The following WDFY4 variants were observed in gnomAD, a reference collection of about 807,000 sequenced individuals.
The protein encoded by WDFY4 is WDFY family member 4.
In WDFY4, 169 loss-of-function variants were observed where a neutral mutation model predicts 351.9. That is an observed-to-expected ratio of 0.48 (90% CI 0.42 to 0.55). The LOEUF (loss-of-function observed/expected upper bound fraction) is 0.55, where lower values mean the gene tolerates loss of function less well. Among genes scored for constraint, WDFY4 ranks in the 20% least tolerant of loss-of-function variants. The probability of loss-of-function intolerance (pLI) is 0.00; values close to 1 mark genes in which losing one functional copy is unlikely to be tolerated. For synonymous variants in WDFY4, 1,622 were observed against 1,574.6 expected (o/e 1.03, Z -0.71); for missense variants, 3,803 against 3,935.6 (o/e 0.97, Z 0.90).
chr10:48,848,372 A>G (rs1367863098), intron 39 of WDFY4, among the ~76,000 whole-genome samples: 2 of 152,240 alleles, frequency 1.3e-5, no homozygotes, highest in Non-Finnish European at 2.9e-5. Flanking sequence ...CCTTCTGAGG[A>G]GGACACATAA....
intron 39 of WDFY4, among the ~76,000 whole-genome samples, chr10:48,846,761 A>G (rs912986322): frequency 1.3e-5 from 2 of 152,200 alleles, no homozygotes; most frequent in Non-Finnish European, 2.9e-5. Flanking sequence ...GTGGCTGTGC[A>G]GCATCCTAGA....
rs1050154830 is a variant in WDFY4, at chr10:48,835,570, G to A, written c.6663+2861G>A. ...TTAGCACCAGGAAGAACTACTTTCA[G>A]CAACTCAAGAAGAGCAGAAATTTTG... On this transcript the variant is annotated intron_variant, in intron 39 of 61. Transcript: ENST00000325239. 7.2e-5 allele frequency among the ~76,000 whole-genome samples: 11 copies of A among 152,198 alleles called. No individual in the cohort carries two copies. The East Asian group carries it at 1.2e-3, about 16-fold the overall frequency.
intron 47 of WDFY4, among the ~76,000 whole-genome samples, chr10:48,933,142 G>A (rs906138423): frequency 2.0e-5 from 3 of 152,170 alleles, no homozygotes; most frequent in African/African-American, 7.2e-5. Context: ...CAGGCTCTGT[G>A]GTGGAAGCAG....
rs186502139 is a variant in WDFY4, at chr10:48,837,861, C to T, written c.6663+5152C>T. The stretch of plus-strand genomic sequence containing the variant: ...GGATCAACTGTATACATATGGACAG[C>T]TATCCCAGGCAGTGGGCCAGGCAGG... On this transcript the variant is annotated intron_variant, in intron 39 of 61. Transcript: ENST00000325239. Among the ~76,000 whole-genome samples the T allele has an allele frequency of 1.1e-3, 170 of 152,302 alleles. 5 individuals carry two copies. Among genetic ancestry groups the T allele is most frequent in the Non-Finnish European group, 7.3e-5 (5 of 68,038 alleles).
At chr10:48,694,752 C>T (rs953847651) in intron 1 of WDFY4, among the ~76,000 whole-genome samples, 1 of 152,158 alleles carries the variant, frequency 6.6e-6, no homozygotes, top group Admixed American at 6.5e-5. Flanking sequence ...GTGCCATTTG[C>T]CAGACACTCA....
chr10:48,823,248 T>A (rs1455322552), intron 35 of WDFY4: 1 of 1,300,850 alleles, frequency 7.7e-7, no homozygotes, highest in Non-Finnish European at 1.0e-6. Flanking sequence ...GCTCAAACCC[T>A]CCCTGTGATG....
At chr10:48,807,015 G>T (rs543167791) in intron 27 of WDFY4, among the ~76,000 whole-genome samples, 2 of 152,230 alleles carry the variant, frequency 1.3e-5, no homozygotes, top group African/African-American at 4.8e-5. Flanking sequence ...AGATCAAGCC[G>T]CAAGAAATTA....
intron 47 of WDFY4, among the ~76,000 whole-genome samples, chr10:48,931,001 T>A (rs1194971093): frequency 6.6e-6 from 1 of 152,030 alleles, no homozygotes; most frequent in African/African-American, 2.4e-5. Flanking sequence ...TTCTTATATG[T>A]CTACATAGTT....
intron 30 of WDFY4, among the ~76,000 whole-genome samples, chr10:48,812,697 C>T (rs564066589): frequency 6.6e-6 from 1 of 152,260 alleles, no homozygotes; most frequent in South Asian, 2.1e-4. Flanking sequence ...TGCACCTTCT[C>T]CCTTGCACTA....
chr10:48,692,299 A>C (rs1032735069), intron 1 of WDFY4, among the ~76,000 whole-genome samples: 2 of 152,218 alleles, frequency 1.3e-5, no homozygotes, highest in African/African-American at 4.8e-5. Flanking sequence ...CCTGTGGGCC[A>C]GGACACCTTT....
Position 48,966,779 on chromosome 10 carries a change from G to A in WDFY4, c.8584+106G>A, listed in dbSNP as rs145841889. ...ACCACATACCTGGGCAAAGTATTGG[G>A]GACTGACTTTGAATGGCTGCATCTC... On this transcript the variant is annotated intron_variant, in intron 55 of 61. Transcript: ENST00000325239. The A allele has an allele frequency of 8.0e-4, 1,117 of 1,399,760 alleles. 8 individuals carry two copies. In the African/African-American group the frequency reaches 0.014, roughly 18 times the overall value. 86.7% of individuals were successfully genotyped at this position (1,399,760 alleles called of 1,614,324 possible).
At chr10:48,777,668 T>G (rs926897221) in intron 17 of WDFY4, among the ~76,000 whole-genome samples, 173 bp downstream of exon 17, 3 of 152,218 alleles carry the variant, frequency 2.0e-5, no homozygotes, top group Non-Finnish European at 2.9e-5. Context: ...GAGGATTGTT[T>G]GAGGCCAGGA....
chr10:48,915,448 A>G (rs1484616994), intron 47 of WDFY4, among the ~76,000 whole-genome samples: 1 of 151,268 alleles, frequency 6.6e-6, no homozygotes, highest in East Asian at 1.9e-4. Context: ...TTTCCAAACC[A>G]GGCAGAAGTA....
At chr10:48,768,528 T>C (rs547618816) in intron 13 of WDFY4, among the ~76,000 whole-genome samples, 1 of 152,288 alleles carries the variant, frequency 6.6e-6, no homozygotes, top group South Asian at 2.1e-4. Flanking sequence ...CCTTCAACGC[T>C]TCATTGGCAC....
intron 57 of WDFY4, among the ~76,000 whole-genome samples, chr10:48,970,936 T>C (rs1472470402): frequency 6.6e-6 from 1 of 152,188 alleles, no homozygotes; most frequent in Non-Finnish European, 1.5e-5. Context: ...ACTTAACGTT[T>C]GCTTAACATT....
intron 45 of WDFY4, among the ~76,000 whole-genome samples, chr10:48,899,962 T>A (rs1055418103): frequency 6.6e-6 from 1 of 152,174 alleles, no homozygotes; most frequent in Non-Finnish European, 1.5e-5. Context: ...GCTTCACGCT[T>A]GCCCTGGGAG....
At chr10:48,953,535 T>G (rs1420839800) in intron 51 of WDFY4, among the ~76,000 whole-genome samples, 1 of 152,226 alleles carries the variant, frequency 6.6e-6, no homozygotes, top group Non-Finnish European at 1.5e-5. Flanking sequence ...ATACTGCCTC[T>G]TTGATTGGCT....
At chr10:48,930,450 G>A (rs1369178521) in intron 47 of WDFY4, among the ~76,000 whole-genome samples, 1 of 152,198 alleles carries the variant, frequency 6.6e-6, no homozygotes, top group Non-Finnish European at 1.5e-5. Flanking sequence ...GCACTATGGG[G>A]CTGGAGAGTG....
intron 11 of WDFY4, 23 bp from the exon 12 acceptor site, chr10:48,742,945 T>G: frequency 6.5e-7 from 1 of 1,529,560 alleles, no homozygotes; most frequent in Non-Finnish European, 8.8e-7. Context: ...AGTGCACTCA[T>G]TTTGATTTGC....
Sources: gnomAD v4.1 joint callset for allele counts (sites outside exome capture counted in the v4.1 genomes callset) on GRCh38, gnomAD v4.1.1 for gene constraint, MANE v1.5 for transcripts, NCBI Gene and HGNC (gene_info 2026-07-23, HGNC 2026-07-21) for gene names.